The following NR6A1 variants were observed in gnomAD, a reference collection of about 807,000 sequenced individuals.
The protein encoded by NR6A1 is retinoic acid receptor-related testis-associated receptor.
Under a neutral mutation model 59.1 loss-of-function variants are expected in NR6A1, and 7 were observed. That is an observed-to-expected ratio of 0.12 (90% CI 0.07 to 0.22). The LOEUF is 0.22. Ranked by LOEUF, NR6A1 falls within the 10% of genes least tolerant of loss-of-function variation. The pLI is 1.00. For synonymous variants in NR6A1, 243 were observed against 236.1 expected (o/e 1.03, Z -0.27); for missense variants, 468 against 611.6 (o/e 0.77, Z 2.48).
At chr9:124,524,571 A>G in intron 9 of NR6A1, 150 bp downstream of exon 9, 1 of 776,572 alleles carries the variant, frequency 1.3e-6, no homozygotes, top group Non-Finnish European at 2.0e-6. Flanking sequence ...TTCTCATTAT[A>G]ACAGACCTTT....
intron 2 of NR6A1, among the ~76,000 whole-genome samples, chr9:124,680,867 A>G (rs955090458): frequency 6.6e-6 from 1 of 152,224 alleles, no homozygotes; most frequent in African/African-American, 2.4e-5. Context: ...TGACATTTGT[A>G]ATGATGGTAC....
intron 2 of NR6A1, among the ~76,000 whole-genome samples, chr9:124,592,314 T>A (rs1462126630): frequency 6.6e-6 from 1 of 152,216 alleles, no homozygotes; most frequent in Non-Finnish European, 1.5e-5. Context: ...TCATACCCCA[T>A]TTTAACACAA....
intron 2 of NR6A1, among the ~76,000 whole-genome samples, chr9:124,726,504 G>A (rs891439649): frequency 5.9e-5 from 9 of 152,308 alleles, no homozygotes; most frequent in African/African-American, 1.9e-4. Context: ...GCTTCTTAGT[G>A]AAAAGCTACA....
At chr9:124,527,100 G>A (rs1832959923) in intron 7 of NR6A1, among the ~76,000 whole-genome samples, 200 bp from the exon 8 acceptor site, 1 of 152,126 alleles carries the variant, frequency 6.6e-6, no homozygotes, top group African/African-American at 2.4e-5. Flanking sequence ...TCCAAGGTCA[G>A]GTAGAGTCAA....
At chr9:124,597,793 T>C (rs1261429814) in intron 2 of NR6A1, among the ~76,000 whole-genome samples, 1 of 152,210 alleles carries the variant, frequency 6.6e-6, no homozygotes, top group Non-Finnish European at 1.5e-5. Context: ...CGAGAGAAGA[T>C]GAACAGACAC....
chr9:124,557,889 T>C (rs1433860218), intron 2 of NR6A1, among the ~76,000 whole-genome samples: 2 of 152,188 alleles, frequency 1.3e-5, no homozygotes, highest in African/African-American at 2.4e-5. Flanking sequence ...ATAATGAATA[T>C]ATCCACAAGG....
intron 2 of NR6A1, among the ~76,000 whole-genome samples, chr9:124,669,516 C>CT (rs1053761632): frequency 6.6e-6 from 1 of 152,196 alleles, no homozygotes; most frequent in Admixed American, 6.5e-5. Flanking sequence ...AACATTTGCC[C>CT]TGCCTACCTG....
At chr9:124,582,864 C>A (rs895621169) in intron 2 of NR6A1, among the ~76,000 whole-genome samples, 4 of 152,122 alleles carry the variant, frequency 2.6e-5, no homozygotes, top group Non-Finnish European at 1.5e-5. Flanking sequence ...AAGAACAAGA[C>A]CCCATCTCTC....
chr9:124,690,227 T>C (rs928968360), intron 2 of NR6A1, among the ~76,000 whole-genome samples: 6 of 152,234 alleles, frequency 3.9e-5, no homozygotes, highest in African/African-American at 1.2e-4. Context: ...ATTTTAGTTA[T>C]GTGCTGCTGA....
chr9:124,526,474 T>C (rs1470439856), intron 8 of NR6A1, among the ~76,000 whole-genome samples: 6 of 152,156 alleles, frequency 3.9e-5, no homozygotes, highest in Admixed American at 3.3e-4. Context: ...GTCCTTGGTG[T>C]CTGTGTGCAA....
intron 2 of NR6A1, among the ~76,000 whole-genome samples, chr9:124,667,286 G>A (rs1488670230): frequency 2.0e-5 from 3 of 151,704 alleles, no homozygotes; most frequent in Non-Finnish European, 2.9e-5. Flanking sequence ...CCACCCCAGC[G>A]TCCCAAAGTG....
chr9:124,653,488 G>T (rs1005757549), intron 2 of NR6A1, among the ~76,000 whole-genome samples: 1 of 152,118 alleles, frequency 6.6e-6, no homozygotes, highest in African/African-American at 2.4e-5. Flanking sequence ...ATAGCTCACT[G>T]CAGCCTTGAA....
In NR6A1 at chr9:124,524,842, C is replaced by T. The variant is rs767016742; in HGVS notation, c.1233G>A (p.Leu411=). ...DIRGLTSASQ[L]EQLNKRYWYI... is the part of the protein sequence containing the mutation. ...ACCAGTATCGTTTATTCAATTGTTCCAGCTGTGAGGCACTGGTCAGACCCC... is the reference window on the plus strand; with the variant it reads ...ACCAGTATCGTTTATTCAATTGTTCTAGCTGTGAGGCACTGGTCAGACCCC... The change falls in exon 9 of 10, where the codon CTG becomes CTA. Residue 411 remains leucine (L), a synonymous_variant. Coordinates refer to ENST00000487099, the MANE Select transcript of NR6A1 (RefSeq NM_033334.4). The T allele has an allele frequency of 9.2e-5, 148 of 1,613,090 alleles. 1 individual carries two copies. In the Middle Eastern group the frequency reaches 3.3e-3, roughly 36 times the overall value.
In NR6A1 at chr9:124,670,626, G is replaced by A. The variant is rs538313655; in HGVS notation, c.142+62682C>T. Among the ~76,000 whole-genome samples, 8 of 151,220 alleles carry A rather than the reference G, an allele frequency of 5.3e-5. No individual in the cohort carries two copies. The South Asian group carries it at 6.2e-4, about 12-fold the overall frequency. Reference sequence around the variant, plus strand: ...GGTTCACTGTCAACAAATAGTGACCGGGGACATGAAACAGCATGATCAGGG... The same window carrying A: ...GGTTCACTGTCAACAAATAGTGACCAGGGACATGAAACAGCATGATCAGGG... On this transcript the variant is annotated intron_variant, in intron 2 of 9. Transcript: ENST00000487099.
In NR6A1 at chr9:124,705,216, CTGA is replaced by C. The variant is rs568937019; in HGVS notation, c.142+28089_142+28091del. On this transcript the variant is annotated intron_variant, in intron 2 of 9. Coordinates refer to ENST00000487099, the MANE Select transcript of NR6A1 (RefSeq NM_033334.4). ...AGTTCTGTCAAGTTCACTGATAGTG[CTGA>C]TGAAGTCTTTTATATTCTTGCTAAT... Among the ~76,000 whole-genome samples the C allele has an allele frequency of 5.2e-3, 785 of 152,232 alleles. 5 individuals are homozygous for C. Among genetic ancestry groups the C allele is most frequent in the African/African-American group, 0.018 (758 of 41,536 alleles).
intron 2 of NR6A1, among the ~76,000 whole-genome samples, chr9:124,728,597 T>C (rs1181183431): frequency 6.6e-6 from 1 of 151,836 alleles, no homozygotes; most frequent in African/African-American, 2.4e-5. Flanking sequence ...ATGGCACCAC[T>C]GCACTCTAGC....
chr9:124,752,172 A>G (rs2131175468), intron 1 of NR6A1, among the ~76,000 whole-genome samples: 1 of 152,274 alleles, frequency 6.6e-6, no homozygotes, highest in Admixed American at 6.5e-5. Flanking sequence ...GGGCTCCTGA[A>G]GCATGAGAAT....
chr9:124,703,829 G>A (rs1370470645), intron 2 of NR6A1, among the ~76,000 whole-genome samples: 3 of 111,236 alleles, frequency 2.7e-5, no homozygotes, highest in Non-Finnish European at 5.9e-5. Flanking sequence ...TTGCTTCCTT[G>A]ATTTTTTTTT....
chr9:124,744,054 T>C (rs553156063), intron 1 of NR6A1, among the ~76,000 whole-genome samples: 11 of 152,258 alleles, frequency 7.2e-5, no homozygotes, highest in African/African-American at 2.6e-4. Flanking sequence ...TAGTGAGACC[T>C]CTACAACAAC....
Sources: allele counts gnomAD v4.1 joint callset (sites outside exome capture counted in the v4.1 genomes callset), GRCh38; gene constraint gnomAD v4.1.1; transcripts MANE v1.5; gene names NCBI Gene and HGNC (gene_info 2026-07-23, HGNC 2026-07-21).